RBFOX1: variants seen among roughly 807,000 people sequenced by gnomAD.
The protein encoded by RBFOX1 is RNA binding protein fox-1 homolog 1.
A neutral mutation model predicts 57.7 loss-of-function variants in RBFOX1; 8 were observed. The observed-to-expected ratio is 0.14, with a 90% CI of 0.08 to 0.25. RBFOX1 has a LOEUF of 0.25. Among genes scored for constraint, RBFOX1 ranks in the 10% least tolerant of loss-of-function variants. RBFOX1 has a pLI of 1.00. For missense variants in RBFOX1, 611 were observed against 548.5 expected, an observed-to-expected ratio of 1.11 and a Z score of -1.14; for synonymous variants, 326 against 222.4, an observed-to-expected ratio of 1.47 and a Z score of -4.15.
chr16:5,339,961 C>T (rs75829247), intron 1 of RBFOX1, among the ~76,000 whole-genome samples: 3,755 of 152,160 alleles, frequency 0.025, 155 homozygotes, highest in African/African-American at 0.083. Flanking sequence ...CATGATGCCA[C>T]CTTGACATTC....
chr16:7,555,369 A>G (rs563170402), intron 5 of RBFOX1, among the ~76,000 whole-genome samples: 3 of 152,292 alleles, frequency 2.0e-5, no homozygotes, highest in African/African-American at 7.2e-5. Flanking sequence ...AGTAAAATCC[A>G]TGGTTTAGTT....
At chr16:7,281,955 T>G (rs6500942) in intron 4 of RBFOX1, among the ~76,000 whole-genome samples, 7,894 of 152,212 alleles carry the variant, frequency 0.052, 452 homozygotes, top group African/African-American at 0.14. Context: ...AACCTCTACC[T>G]CCTGGGCTCC....
intron 2 of RBFOX1, among the ~76,000 whole-genome samples, chr16:5,499,697 C>T (rs770141774): frequency 6.0e-4 from 91 of 152,048 alleles, no homozygotes; most frequent in Middle Eastern, 3.4e-3. Context: ...CTTAGTCTCC[C>T]GAGTAGCTGG....
intron 3 of RBFOX1, among the ~76,000 whole-genome samples, chr16:6,774,297 T>C (rs2078959368): frequency 6.6e-6 from 1 of 152,172 alleles, no homozygotes; most frequent in Non-Finnish European, 1.5e-5. Context: ...CCAGGTGAGA[T>C]GGTGCCCCTC....
At chr16:7,370,188 C>G (rs887984901) in intron 4 of RBFOX1, among the ~76,000 whole-genome samples, 3 of 152,180 alleles carry the variant, frequency 2.0e-5, no homozygotes, top group African/African-American at 7.2e-5. Context: ...CTCATTATGA[C>G]AACCAAACAT....
intron 3 of RBFOX1, among the ~76,000 whole-genome samples, chr16:6,713,775 A>G (rs9928517): frequency 2.0e-5 from 3 of 151,956 alleles, no homozygotes; most frequent in South Asian, 2.1e-4. Context: ...CTCACCCTTC[A>G]TGTTTCAGTT....
intron 4 of RBFOX1, among the ~76,000 whole-genome samples, chr16:7,158,365 C>A (rs1036144368): frequency 6.6e-6 from 1 of 152,072 alleles, no homozygotes; most frequent in Admixed American, 6.6e-5. Flanking sequence ...AGAAAAACTA[C>A]AGGGTTAGGG....
chr16:6,323,023 T>C (rs1347583703), intron 2 of RBFOX1, among the ~76,000 whole-genome samples: 3 of 152,152 alleles, frequency 2.0e-5, no homozygotes, highest in Non-Finnish European at 2.9e-5. Flanking sequence ...ATAGCAGAGC[T>C]CTTTTCCCAG....
chr16:6,722,863 G>A (rs567683433), intron 3 of RBFOX1, among the ~76,000 whole-genome samples: 3 of 152,162 alleles, frequency 2.0e-5, no homozygotes, highest in African/African-American at 7.2e-5. Flanking sequence ...TGTAGCTTTG[G>A]CACACTGACA....
At chr16:6,835,055 G>A (rs117123329) in intron 3 of RBFOX1, among the ~76,000 whole-genome samples, 3,074 of 152,008 alleles carry the variant, frequency 0.02, 55 homozygotes, top group Non-Finnish European at 0.03. Context: ...ACCATGCCCC[G>A]GCTAATTTTT....
intron 2 of RBFOX1, among the ~76,000 whole-genome samples, chr16:6,359,299 G>T (rs1292981527): frequency 2.6e-5 from 4 of 151,998 alleles, no homozygotes; most frequent in Admixed American, 6.6e-5. Context: ...TCACCATATT[G>T]GCCAGGCTGG....
At chr16:6,964,116 C>G (rs912989346) in intron 3 of RBFOX1, among the ~76,000 whole-genome samples, 1 of 152,104 alleles carries the variant, frequency 6.6e-6, no homozygotes, top group Non-Finnish European at 1.5e-5. Flanking sequence ...CCTCCCGAAT[C>G]AAGCGATTCT....
chr16:5,267,893 C>G (rs548982657), intron 1 of RBFOX1, among the ~76,000 whole-genome samples: 1 of 152,114 alleles, frequency 6.6e-6, no homozygotes, highest in East Asian at 1.9e-4. Context: ...CACAGCCTGG[C>G]CAACATGATG....
intron 2 of RBFOX1, among the ~76,000 whole-genome samples, chr16:5,530,370 A>T (rs1267229896): frequency 1.3e-5 from 2 of 152,172 alleles, no homozygotes; most frequent in African/African-American, 4.8e-5. Context: ...AAGGATACAG[A>T]ATCAGGGTTC....
intron 4 of RBFOX1, among the ~76,000 whole-genome samples, chr16:7,116,564 C>T (rs1407487136): frequency 6.6e-6 from 1 of 152,124 alleles, no homozygotes; most frequent in Non-Finnish European, 1.5e-5. Context: ...CTAAATGAGT[C>T]CATTAAAGCT....
At chr16:6,544,811 C>A (rs1183951350) in intron 2 of RBFOX1, among the ~76,000 whole-genome samples, 1 of 152,168 alleles carries the variant, frequency 6.6e-6, no homozygotes, top group East Asian at 1.9e-4. Context: ...GTAGATTAGT[C>A]AGCGAAGGGT....
chr16:5,537,476 A>T (rs1337743164), intron 2 of RBFOX1, among the ~76,000 whole-genome samples: 1 of 152,236 alleles, frequency 6.6e-6, no homozygotes, highest in African/African-American at 2.4e-5. Flanking sequence ...ACTGGGTTGA[A>T]GTCAAGGTGT....
intron 2 of RBFOX1, among the ~76,000 whole-genome samples, chr16:6,353,226 G>T (rs560695314): frequency 6.6e-6 from 1 of 152,020 alleles, no homozygotes; most frequent in South Asian, 2.1e-4. Flanking sequence ...AAATGCTGCC[G>T]CTTTTATCAT....
chr16:5,618,338 T>C (rs56238551), intron 3 of RBFOX1, among the ~76,000 whole-genome samples: 6 of 143,576 alleles, frequency 4.2e-5, no homozygotes, highest in African/African-American at 1.4e-4. Context: ...GATTTTTTTT[T>C]TTTGTGTGTG....
Sources: gnomAD v4.1 joint callset for allele counts (sites outside exome capture counted in the v4.1 genomes callset) on GRCh38, gnomAD v4.1.1 for gene constraint, MANE v1.5 for transcripts, NCBI Gene and HGNC (gene_info 2026-07-23, HGNC 2026-07-21) for gene names.